AKAP13: variants seen among roughly 807,000 people sequenced by gnomAD.
AKAP13 encodes the protein A-kinase anchoring protein 13.
Under a neutral mutation model 264.5 loss-of-function variants are expected in AKAP13, and 80 were observed. That is an observed-to-expected ratio of 0.30 (90% CI 0.25 to 0.36). AKAP13 has a LOEUF of 0.36. Ranked by LOEUF, AKAP13 falls within the 10% of genes least tolerant of loss-of-function variation. AKAP13 has a pLI of 1.00. For missense variants in AKAP13, 3,712 were observed against 3,435.2 expected (o/e 1.08, Z -2.01); for synonymous variants, 1,380 against 1,250.2 (o/e 1.10, Z -2.19).
intron 2 of AKAP13, among the ~76,000 whole-genome samples, chr15:85,504,716 T>C (rs1488861540): frequency 7.3e-6 from 1 of 136,288 alleles, no homozygotes; most frequent in African/African-American, 2.7e-5. Flanking sequence ...AAAAAAAAAA[T>C]CCTTACATGT....
At chr15:85,393,475 G>A (rs994390312) in intron 1 of AKAP13, among the ~76,000 whole-genome samples, 1 of 152,212 alleles carries the variant, frequency 6.6e-6, no homozygotes, top group African/African-American at 2.4e-5. Context: ...TGCCAAAATA[G>A]TGCTGTGTGT....
Position 85,464,967 on chromosome 15 carries a change from G to A in AKAP13, c.-11-20743G>A, listed in dbSNP as rs186204828. Among the ~76,000 whole-genome samples the A allele has an allele frequency of 5.9e-5, 9 of 152,178 alleles. No individual in the cohort carries two copies. The East Asian group carries it at 1.7e-3, about 29-fold the overall frequency. On this transcript the variant is annotated intron_variant, in intron 1 of 36. Coordinates refer to ENST00000394518, the MANE Select transcript of AKAP13 (RefSeq NM_007200.5). Reference sequence around the variant, plus strand: ...ACTTTTTTTATTTTTTTGAGATGGAGCCTTGCTCTGTCGCCCAGGCTGGAG... The same window carrying A: ...ACTTTTTTTATTTTTTTGAGATGGAACCTTGCTCTGTCGCCCAGGCTGGAG...
At chr15:85,563,244 G>C (rs1310648187) in intron 5 of AKAP13, among the ~76,000 whole-genome samples, 1 of 150,034 alleles carries the variant, frequency 6.7e-6, no homozygotes, top group East Asian at 2.0e-4. Flanking sequence ...TGTCAATTTT[G>C]TGAACAATAT....
intron 1 of AKAP13, among the ~76,000 whole-genome samples, chr15:85,386,152 A>C (rs760697781): frequency 6.6e-6 from 1 of 151,772 alleles, no homozygotes; most frequent in African/African-American, 2.4e-5. Flanking sequence ...TCTTTTGAAG[A>C]GCAGAAGTTC....
At chr15:85,495,187 A>G (rs574070545) in intron 2 of AKAP13, among the ~76,000 whole-genome samples, 7 of 152,310 alleles carry the variant, frequency 4.6e-5, no homozygotes, top group South Asian at 2.1e-4. Context: ...AGTGAGAGTA[A>G]GACCAAGGCC....
At chr15:85,583,922 G>T (rs1330701677) in intron 7 of AKAP13, among the ~76,000 whole-genome samples, 1 of 152,174 alleles carries the variant, frequency 6.6e-6, no homozygotes, top group Non-Finnish European at 1.5e-5. Context: ...TACTTGTCCT[G>T]TTACCAAAAG....
At chr15:85,720,591 A>C (rs1467467215) in intron 23 of AKAP13, among the ~76,000 whole-genome samples, 1 of 152,202 alleles carries the variant, frequency 6.6e-6, no homozygotes, top group Admixed American at 6.5e-5. Flanking sequence ...GGTATATAAC[A>C]TGTACATCTG....
At chr15:85,439,204 A>C (rs544185661) in intron 1 of AKAP13, among the ~76,000 whole-genome samples, 124 of 151,564 alleles carry the variant, frequency 8.2e-4, no homozygotes, top group African/African-American at 2.9e-3. Context: ...ATGCAGCCAA[A>C]AAACACATGA....
At chr15:85,638,749 C>T (rs759920464) in intron 8 of AKAP13, among the ~76,000 whole-genome samples, 1 of 131,622 alleles carries the variant, frequency 7.6e-6, no homozygotes, top group Non-Finnish European at 1.6e-5. Flanking sequence ...ATTACTTCAG[C>T]AACCCCTCTG....
intron 4 of AKAP13, among the ~76,000 whole-genome samples, chr15:85,539,407 G>A (rs2077511271): frequency 6.6e-6 from 1 of 152,086 alleles, no homozygotes. Flanking sequence ...CATCATGTGG[G>A]ACTTTAGGTT....
At chr15:85,499,235 G>T (rs1463095496) in intron 2 of AKAP13, among the ~76,000 whole-genome samples, 2 of 152,098 alleles carry the variant, frequency 1.3e-5, no homozygotes, top group Non-Finnish European at 2.9e-5. Context: ...GTATCTCTTT[G>T]TAAGAGATAG....
intron 5 of AKAP13, among the ~76,000 whole-genome samples, chr15:85,573,323 A>C (rs1394654748): frequency 6.6e-6 from 1 of 152,136 alleles, no homozygotes; most frequent in Non-Finnish European, 1.5e-5. Context: ...TGGGTGGATC[A>C]CCTGAGGTCA....
chr15:85,584,689 T>C (rs1476630835), intron 7 of AKAP13, among the ~76,000 whole-genome samples: 1 of 152,218 alleles, frequency 6.6e-6, no homozygotes, highest in African/African-American at 2.4e-5. Flanking sequence ...CTTACAAATT[T>C]AAGGTAGACT....
chr15:85,398,482 A>G (rs1441682438), intron 1 of AKAP13, among the ~76,000 whole-genome samples: 1 of 152,186 alleles, frequency 6.6e-6, no homozygotes, highest in Non-Finnish European at 1.5e-5. Context: ...TGGACTAGCC[A>G]TATGTGGCGT....
chr15:85,581,989 G>A lies in AKAP13; in HGVS notation c.3921G>A (p.Glu1307=). 1 of 1,614,194 alleles carries A rather than the reference G, an allele frequency of 6.2e-7. No homozygotes were observed. The highest frequency in any genetic ancestry group is 8.5e-7 in the Non-Finnish European group (1 of 1,180,022). Residue 1307 remains glutamate (E), a synonymous_variant, in exon 7 of 37, where the codon GAG becomes GAA. Transcript: ENST00000394518. ...AAGTGAGTACTTTCCCACCTGGGGA[G>A]AGCCTACCAATGGGCAGTACTCCTG... ...TEKVSTFPPG[E]SLPMGSTPEE... is the part of the protein sequence containing the mutation.
In AKAP13 at chr15:85,581,121, T is replaced by G. The variant is rs779436198; in HGVS notation, c.3053T>G (p.Val1018Gly). 6.2e-7 allele frequency: 1 copy of G among 1,613,948 alleles called. No homozygotes were observed. The highest frequency in any genetic ancestry group is 1.7e-5 in the Admixed American group (1 of 60,022). ...LTQGGAAQSLVPPGASLATES... is the reference protein window; with the variant it reads ...LTQGGAAQSLGPPGASLATES... ...CAAGGTGGGGCTGCCCAGAGCCTGG[T>G]GCCACCAGGAGCAAGTCTGGCCACA... Residue 1018 changes from valine (V) to glycine (G), a missense_variant, in exon 7 of 37, where the codon GTG becomes GGG. Transcript: ENST00000394518.
At chr15:85,689,169 C>G (rs1019044584) in intron 16 of AKAP13, among the ~76,000 whole-genome samples, 23 of 152,186 alleles carry the variant, frequency 1.5e-4, no homozygotes, top group African/African-American at 5.3e-4. Context: ...TAAATTCCTG[C>G]ACAGCTGCAA....
At chr15:85,726,821 A>G (rs1454385241) in intron 27 of AKAP13, among the ~76,000 whole-genome samples, 1 of 152,260 alleles carries the variant, frequency 6.6e-6, no homozygotes, top group Non-Finnish European at 1.5e-5. Context: ...GAACCTGGAA[A>G]GATTCATCGT....
At chr15:85,542,282 A>T (rs2077601789) in intron 4 of AKAP13, among the ~76,000 whole-genome samples, 1 of 152,226 alleles carries the variant, frequency 6.6e-6, no homozygotes, top group South Asian at 2.1e-4. Flanking sequence ...CTCTGGTTAA[A>T]CACCCTTTAA....
Sources: allele counts gnomAD v4.1 joint callset (sites outside exome capture counted in the v4.1 genomes callset), GRCh38; gene constraint gnomAD v4.1.1; transcripts MANE v1.5; gene names NCBI Gene and HGNC (gene_info 2026-07-23, HGNC 2026-07-21).